The following WWOX variants were observed in gnomAD, a reference collection of about 807,000 sequenced individuals.
WWOX encodes the protein WW domain containing oxidoreductase.
A neutral mutation model predicts 46.2 loss-of-function variants in WWOX; 69 were observed. The ratio of observed to expected loss-of-function variants is 1.49; its 90% confidence interval spans 1.23 to 1.82. The LOEUF (loss-of-function observed/expected upper bound fraction) is 1.82. Ranked by LOEUF, WWOX falls within the 40% of genes most tolerant of loss-of-function variation. The pLI is 0.00. For missense variants in WWOX, 919 were observed against 542.6 expected, an observed-to-expected ratio of 1.69 and a Z score of -6.89; for synonymous variants, 359 against 202.6, an observed-to-expected ratio of 1.77 and a Z score of -6.56.
rs201757994 is a variant in WWOX at position 78,983,463 on chromosome 16, C to G, written c.1057-228145C>G. Among the ~76,000 whole-genome samples the G allele has an allele frequency of 2.6e-5, 4 of 152,200 alleles. No homozygotes were observed. The East Asian group carries it at 7.7e-4, about 29-fold the overall frequency. On this transcript the variant is annotated intron_variant, in intron 8 of 8. Coordinates refer to ENST00000566780, the MANE Select transcript of WWOX (RefSeq NM_016373.4). The stretch of plus-strand genomic sequence containing the variant: ...AAAACTGAACAGGTGTTATGTGTGC[C>G]TTTTCTAATAGGAAAGACCATCATG...
intron 8 of WWOX, among the ~76,000 whole-genome samples, chr16:79,123,251 G>C (rs912348042): frequency 6.6e-6 from 1 of 152,144 alleles, no homozygotes; most frequent in Non-Finnish European, 1.5e-5. Flanking sequence ...CTCTGTCCTC[G>C]GTGGGGACAG....
At chr16:78,998,534 C>G (rs1427253811) in intron 8 of WWOX, among the ~76,000 whole-genome samples, 1 of 152,178 alleles carries the variant, frequency 6.6e-6, no homozygotes, top group Non-Finnish European at 1.5e-5. Flanking sequence ...GTGTTCAAAT[C>G]TTGGCTCTAC....
intron 8 of WWOX, among the ~76,000 whole-genome samples, chr16:79,112,845 G>T (rs1308588075): frequency 1.3e-5 from 2 of 152,212 alleles, no homozygotes; most frequent in Non-Finnish European, 2.9e-5. Context: ...TCCAAGGTCA[G>T]ATTCTGAAGT....
chr16:78,953,252 A>G (rs112325746), intron 8 of WWOX, among the ~76,000 whole-genome samples: 1 of 148,160 alleles, frequency 6.7e-6, no homozygotes. Context: ...TGGTCTATAT[A>G]GGATAATAGA....
At chr16:79,050,503 C>G (rs1055076317) in intron 8 of WWOX, among the ~76,000 whole-genome samples, 2 of 152,144 alleles carry the variant, frequency 1.3e-5, no homozygotes, top group African/African-American at 2.4e-5. Context: ...CACTGATGCC[C>G]CAAATAAATC....
At chr16:78,655,835 ATGTGGGCTTGATTTTCACAGACCC>A (rs1192462297) in intron 8 of WWOX, among the ~76,000 whole-genome samples, 1 of 152,174 alleles carries the variant, frequency 6.6e-6, no homozygotes, top group Admixed American at 6.5e-5. Flanking sequence ...TATTTAGGTG[ATGTGGGCTTGATTTTCACAGACCC>A]TGTGGGCTGT....
intron 8 of WWOX, among the ~76,000 whole-genome samples, chr16:78,791,175 C>A (rs537449106): frequency 6.6e-6 from 1 of 152,084 alleles, no homozygotes; most frequent in African/African-American, 2.4e-5. Flanking sequence ...TCCTGACTAC[C>A]ATCTGGATGT....
chr16:78,945,630 G>C (rs1369517327), intron 8 of WWOX, among the ~76,000 whole-genome samples: 2 of 145,588 alleles, frequency 1.4e-5, no homozygotes, highest in Non-Finnish European at 3.0e-5. Context: ...CTGACTACTG[G>C]TTTTATTTCT....
intron 5 of WWOX, among the ~76,000 whole-genome samples, chr16:78,363,858 G>A (rs992651139): frequency 2.0e-5 from 3 of 152,178 alleles, no homozygotes; most frequent in African/African-American, 7.2e-5. Context: ...CATGTGCAGA[G>A]TTCGAGGCAG....
chr16:78,918,240 A>G (rs370067512), intron 8 of WWOX, among the ~76,000 whole-genome samples: 16 of 152,294 alleles, frequency 1.1e-4, no homozygotes, highest in African/African-American at 3.8e-4. Flanking sequence ...AGAAAGCCCT[A>G]TCAAAATTTT....
chr16:78,470,442 G>A (rs1447778211), intron 8 of WWOX, among the ~76,000 whole-genome samples: 2 of 152,178 alleles, frequency 1.3e-5, no homozygotes, highest in Admixed American at 6.5e-5. Flanking sequence ...AAATAACTAA[G>A]CATGCTTCCT....
chr16:78,419,807 A>C (rs1356576533), intron 6 of WWOX, among the ~76,000 whole-genome samples: 1 of 152,098 alleles, frequency 6.6e-6, no homozygotes, highest in Non-Finnish European at 1.5e-5. Flanking sequence ...ATGATCCAGA[A>C]TGAAAAGTGT....
intron 8 of WWOX, among the ~76,000 whole-genome samples, chr16:78,647,903 C>T (rs1597392160): frequency 6.6e-6 from 1 of 152,184 alleles, no homozygotes; most frequent in African/African-American, 2.4e-5. Context: ...GCTTTTATTG[C>T]TATTTTTCTA....
At chr16:79,052,120 T>C (rs956046100) in intron 8 of WWOX, among the ~76,000 whole-genome samples, 43 of 152,176 alleles carry the variant, frequency 2.8e-4, no homozygotes, top group African/African-American at 1.0e-3. Context: ...ACATGTGCCA[T>C]GCTGGTGCGC....
At chr16:78,920,240 C>G (rs2045348098) in intron 8 of WWOX, among the ~76,000 whole-genome samples, 1 of 152,164 alleles carries the variant, frequency 6.6e-6, no homozygotes, top group African/African-American at 2.4e-5. Context: ...AAGTTTCTTC[C>G]AGGACGTGAC....
chr16:78,377,501 G>C (rs138858518), intron 5 of WWOX, among the ~76,000 whole-genome samples: 3 of 152,124 alleles, frequency 2.0e-5, no homozygotes, highest in African/African-American at 7.2e-5. Context: ...TATAGTTAAC[G>C]TAAATCATCA....
intron 8 of WWOX, among the ~76,000 whole-genome samples, chr16:79,013,705 A>G (rs1234823561): frequency 1.3e-5 from 2 of 152,160 alleles, no homozygotes; most frequent in Admixed American, 1.3e-4. Context: ...TGGAGAACCA[A>G]TCTGAAATCA....
At position 78,591,374 on chromosome 16, in the gene WWOX, G is replaced by A. The variant is rs577932491; in HGVS notation, c.1056+158622G>A. Among the ~76,000 whole-genome samples the A allele has an allele frequency of 3.3e-5, 5 of 152,226 alleles. No individual in the cohort carries two copies. The East Asian group carries it at 7.7e-4, about 24-fold the overall frequency. The stretch of plus-strand genomic sequence containing the variant: ...TGGGACCACCAGGATTGGGTGTTTA[G>A]GCCATGGAAGAGTAACAGCCCAGTA... On this transcript the variant is annotated intron_variant, in intron 8 of 8. Coordinates refer to ENST00000566780, the MANE Select transcript of WWOX (RefSeq NM_016373.4).
Position 78,946,754 on chromosome 16 carries a change from T to C in WWOX, c.1057-264854T>C, listed in dbSNP as rs533551886. Among the ~76,000 whole-genome samples the C allele has an allele frequency of 2.0e-5, 3 of 149,352 alleles. No individual in the cohort carries two copies. In the South Asian group the frequency reaches 6.3e-4, roughly 31 times the overall value. On this transcript the variant is annotated intron_variant, in intron 8 of 8. Coordinates refer to ENST00000566780, the MANE Select transcript of WWOX (RefSeq NM_016373.4). Reference sequence around the variant, plus strand: ...CATGCGGGCCATATGGATGCAGTGGTCCACAGAATTGGCAGTGAGCCCCCG... The same window carrying C: ...CATGCGGGCCATATGGATGCAGTGGCCCACAGAATTGGCAGTGAGCCCCCG...
Sources: allele counts gnomAD v4.1 joint callset (sites outside exome capture counted in the v4.1 genomes callset), GRCh38; gene constraint gnomAD v4.1.1; transcripts MANE v1.5; gene names NCBI Gene and HGNC (gene_info 2026-07-23, HGNC 2026-07-21).